Variants in SOX6 observed in about 807,000 individuals in gnomAD.
SOX6 encodes the protein transcription factor SOX-6.
Under a neutral mutation model 97.8 loss-of-function variants are expected in SOX6, and 11 were observed. The observed-to-expected ratio is 0.11, with a 90% CI of 0.07 to 0.19. The LOEUF is 0.19. Among genes scored for constraint, SOX6 ranks in the 10% least tolerant of loss-of-function variants. SOX6 has a pLI of 1.00. For synonymous variants in SOX6, 360 were observed against 371.4 expected, an observed-to-expected ratio of 0.97 and a Z score of 0.35; for missense variants, 810 against 1,039.5, an observed-to-expected ratio of 0.78 and a Z score of 3.04.
intron 11 of SOX6, among the ~76,000 whole-genome samples, chr11:16,049,296 G>C (rs1001658542): frequency 1.3e-5 from 2 of 152,086 alleles, no homozygotes; most frequent in African/African-American, 4.8e-5. Context: ...CATATCAATA[G>C]TATTTCATAT....
chr11:16,676,152 GAATT>G (rs1847883538), intron 3 of SOX6, among the ~76,000 whole-genome samples: 1 of 151,278 alleles, frequency 6.6e-6, no homozygotes, highest in Non-Finnish European at 1.5e-5. Flanking sequence ...TCAGTTTCAT[GAATT>G]CTTTCTTTTG....
intron 13 of SOX6, among the ~76,000 whole-genome samples, chr11:16,007,513 A>G (rs553211754): frequency 1.3e-5 from 2 of 152,276 alleles, no homozygotes; most frequent in African/African-American, 4.8e-5. Context: ...GGAACAAGTT[A>G]GAAACACAGT....
chr11:16,230,901 C>T (rs1852827816), intron 4 of SOX6, among the ~76,000 whole-genome samples: 1 of 151,514 alleles, frequency 6.6e-6, no homozygotes, highest in Non-Finnish European at 1.5e-5. Context: ...AATATGTAAT[C>T]AGAGTGTAAT....
At chr11:16,426,791 G>A (rs1203142787) in intron 1 of SOX6, among the ~76,000 whole-genome samples, 2 of 150,096 alleles carry the variant, frequency 1.3e-5, no homozygotes, top group Non-Finnish European at 3.0e-5. Context: ...GCGGGCGCCT[G>A]TAGTCCCAGC....
At chr11:16,335,107 TTC>T in intron 2 of SOX6, among the ~76,000 whole-genome samples, 1 of 152,166 alleles carries the variant, frequency 6.6e-6, no homozygotes, top group African/African-American at 2.4e-5. Flanking sequence ...CTAAATAAAT[TTC>T]TGTCATTAAA....
At chr11:16,334,881 T>C (rs1565097662) in intron 2 of SOX6, among the ~76,000 whole-genome samples, 1 of 152,144 alleles carries the variant, frequency 6.6e-6, no homozygotes, top group African/African-American at 2.4e-5. Flanking sequence ...CCAAGTATCA[T>C]ACCAGTAACC....
chr11:16,175,238 A>G (rs1038644502), intron 6 of SOX6, among the ~76,000 whole-genome samples: 1 of 151,858 alleles, frequency 6.6e-6, no homozygotes, highest in Non-Finnish European at 1.5e-5. Flanking sequence ...TCTATTAGAA[A>G]CTCTGAAATT....
At chr11:16,100,036 G>C (rs1290476314) in intron 7 of SOX6, among the ~76,000 whole-genome samples, 3 of 151,598 alleles carry the variant, frequency 2.0e-5, no homozygotes, top group Non-Finnish European at 4.4e-5. Flanking sequence ...TGAGGGAGAA[G>C]AAGAGGGAGA....
chr11:16,678,753 C>T (rs1847903815), intron 3 of SOX6, among the ~76,000 whole-genome samples: 2 of 152,190 alleles, frequency 1.3e-5, no homozygotes, highest in South Asian at 2.1e-4. Context: ...TGCCCAAATA[C>T]TGAGCTTTTC....
intron 1 of SOX6, among the ~76,000 whole-genome samples, chr11:16,398,393 A>G (rs1858427712): frequency 6.6e-6 from 1 of 151,402 alleles, no homozygotes; most frequent in Non-Finnish European, 1.5e-5. Flanking sequence ...CTAGTTATAC[A>G]TTTCATATTC....
rs534692577 is a variant in SOX6, at chr11:16,098,466, C to T, written c.899-778G>A. ...ATGCTATATCTTAATGTGTTTCTGA[C>T]TTCAGATCATTCCTAAAAAGGGAGA... On this transcript the variant is annotated intron_variant, in intron 7 of 15. Coordinates refer to ENST00000683767, the MANE Select transcript of SOX6 (RefSeq NM_001367873.1). Among the ~76,000 whole-genome samples, 6 of 151,938 alleles carry T rather than the reference C, an allele frequency of 3.9e-5. No homozygotes were observed. In the South Asian group the frequency reaches 1.2e-3, roughly 32 times the overall value.
chr11:16,220,233 C>A (rs1047385768), intron 4 of SOX6, among the ~76,000 whole-genome samples: 3 of 151,958 alleles, frequency 2.0e-5, no homozygotes, highest in Non-Finnish European at 4.4e-5. Flanking sequence ...ACAGGAAGCC[C>A]TCTAAGTTTT....
intron 4 of SOX6, among the ~76,000 whole-genome samples, chr11:16,611,468 T>C (rs1848397518): frequency 6.6e-6 from 1 of 152,196 alleles, no homozygotes. Context: ...AAACGAAGGA[T>C]AAATGAGAGA....
rs34115428 is a variant in SOX6, at chr11:16,356,219, C to CAAA, written c.-133_-131dup. 7.9e-6 allele frequency among the ~76,000 whole-genome samples: 1 copy of CAAA among 126,908 alleles called. No homozygotes were observed. 83.3% of individuals were successfully genotyped at this position (126,908 alleles called of 152,430 possible). ...TCACAAGAAACCTCTGACTGCCAAC[C>CAAA]AAAAAAAAAAAAAACCCAACCCCAC... On this transcript the variant is annotated 5_prime_UTR_variant, in exon 1 of 16. Transcript: ENST00000683767.
intron 4 of SOX6, among the ~76,000 whole-genome samples, chr11:16,560,595 GTA>G (rs1847803535): frequency 1.8e-5 from 2 of 110,508 alleles, no homozygotes; most frequent in South Asian, 2.9e-4. Context: ...ATGTTTATAC[GTA>G]CATGTATGTT....
chr11:16,256,296 T>A (rs1246631547), intron 3 of SOX6, among the ~76,000 whole-genome samples: 1 of 151,378 alleles, frequency 6.6e-6, no homozygotes, highest in Non-Finnish European at 1.5e-5. Context: ...AATGCAAAAA[T>A]CCTCAAGAAA....
chr11:16,241,923 A>C (rs1186953218), intron 3 of SOX6, among the ~76,000 whole-genome samples: 1 of 152,100 alleles, frequency 6.6e-6, no homozygotes, highest in Non-Finnish European at 1.5e-5. Context: ...AAATAGATAA[A>C]ACAGAATTTT....
intron 9 of SOX6, among the ~76,000 whole-genome samples, chr11:16,085,525 A>T (rs1043272398): frequency 2.6e-5 from 4 of 152,206 alleles, no homozygotes; most frequent in Admixed American, 6.5e-5. Context: ...GTACTTTCCA[A>T]TTTTTTTAGA....
chr11:16,695,817 G>T lies in SOX6; in HGVS notation n.429+19013C>A, dbSNP rs192720859. 4.0e-5 allele frequency among the ~76,000 whole-genome samples: 6 copies of T among 151,324 alleles called. No homozygotes were observed. The East Asian group carries it at 1.2e-3, about 29-fold the overall frequency. ...AGCCTGGCCAACATGGTGAGACCCC[G>T]TCTCTACCAATAAGAAAAAAAAAAA... On this transcript the variant is annotated intron_variant and non_coding_transcript_variant, in intron 3 of 5. Coordinates refer to the SOX6 transcript ENST00000524520.
Sources: allele counts gnomAD v4.1 joint callset (sites outside exome capture counted in the v4.1 genomes callset), GRCh38; gene constraint gnomAD v4.1.1; transcripts MANE v1.5; gene names NCBI Gene and HGNC (gene_info 2026-07-23, HGNC 2026-07-21).